The following MARCHF1 variants were observed in gnomAD, a reference collection of about 807,000 sequenced individuals.
MARCHF1 encodes the protein membrane associated ring-CH-type finger 1, also known as E3 ubiquitin-protein ligase MARCHF1.
In MARCHF1, 40 loss-of-function variants were observed where a neutral mutation model predicts 54.2. That is an observed-to-expected ratio of 0.74 (90% CI 0.57 to 0.96). The LOEUF (loss-of-function observed/expected upper bound fraction) is 0.96. Among genes scored for constraint, MARCHF1 ranks in the 40% least tolerant of loss-of-function variants. MARCHF1 has a pLI of 0.00. For missense variants in MARCHF1, 586 were observed against 656.5 expected, an observed-to-expected ratio of 0.89 and a Z score of 1.17; for synonymous variants, 236 against 236.3, an observed-to-expected ratio of 1.00 and a Z score of 0.01.
chr4:164,154,092 T>C (rs910372348), intron 1 of MARCHF1, among the ~76,000 whole-genome samples: 2 of 152,214 alleles, frequency 1.3e-5, no homozygotes, highest in African/African-American at 4.8e-5. Context: ...ACAAATATTC[T>C]TTCAAAAGAC....
chr4:163,915,898 A>G (rs989163604), intron 3 of MARCHF1, among the ~76,000 whole-genome samples: 1 of 152,058 alleles, frequency 6.6e-6, no homozygotes, highest in Non-Finnish European at 1.5e-5. Context: ...TTGATTTCCT[A>G]CTTGGCCAGT....
At chr4:164,348,357 A>C (rs200202534) in intron 1 of MARCHF1, among the ~76,000 whole-genome samples, 2 of 152,196 alleles carry the variant, frequency 1.3e-5, no homozygotes, top group East Asian at 3.8e-4. Flanking sequence ...GAGATACAAT[A>C]TTTATTTAAT....
At chr4:163,597,527 A>C (rs1740815528) in intron 7 of MARCHF1, among the ~76,000 whole-genome samples, 1 of 152,218 alleles carries the variant, frequency 6.6e-6, no homozygotes, top group Non-Finnish European at 1.5e-5. Flanking sequence ...AAAAGGTTAT[A>C]AGGAAACATG....
chr4:163,533,576 G>A (rs1738428400), intron 9 of MARCHF1, among the ~76,000 whole-genome samples: 1 of 151,592 alleles, frequency 6.6e-6, no homozygotes, highest in Non-Finnish European at 1.5e-5. Flanking sequence ...AATAACAGGA[G>A]AAACCTTGTG....
chr4:164,124,270 G>A (rs1424366768), intron 1 of MARCHF1, among the ~76,000 whole-genome samples: 1 of 151,986 alleles, frequency 6.6e-6, no homozygotes, highest in South Asian at 2.1e-4. Context: ...TTCAAAGACA[G>A]TCAATAACAA....
chr4:163,543,692 G>A (rs539637145), intron 9 of MARCHF1, among the ~76,000 whole-genome samples: 5 of 152,246 alleles, frequency 3.3e-5, no homozygotes, highest in African/African-American at 1.2e-4. Context: ...GTTCATTGTA[G>A]GGTAAATGAT....
At chr4:163,814,244 G>C (rs949966443) in intron 4 of MARCHF1, among the ~76,000 whole-genome samples, 2 of 151,992 alleles carry the variant, frequency 1.3e-5, no homozygotes, top group Non-Finnish European at 2.9e-5. Flanking sequence ...AAATAGTCTG[G>C]GCTTCTGGAG....
intron 3 of MARCHF1, among the ~76,000 whole-genome samples, chr4:163,859,462 C>A (rs751380694): frequency 2.0e-5 from 3 of 150,936 alleles, no homozygotes; most frequent in Non-Finnish European, 4.4e-5. Flanking sequence ...CAGGTTCAAG[C>A]GATTCTCCTG....
At chr4:164,165,297 G>T (rs1220017670) in intron 1 of MARCHF1, among the ~76,000 whole-genome samples, 1 of 151,980 alleles carries the variant, frequency 6.6e-6, no homozygotes, top group Non-Finnish European at 1.5e-5. Flanking sequence ...GGTCATGAGG[G>T]TGGGGTCCTA....
At chr4:164,343,444 A>G (rs1037877667) in intron 1 of MARCHF1, among the ~76,000 whole-genome samples, 8 of 152,200 alleles carry the variant, frequency 5.3e-5, no homozygotes, top group Non-Finnish European at 8.8e-5. Flanking sequence ...AGAATGGGAG[A>G]AAATATTTGC....
At chr4:164,378,690 A>C (rs1372192641) in intron 1 of MARCHF1, among the ~76,000 whole-genome samples, 5 of 152,212 alleles carry the variant, frequency 3.3e-5, no homozygotes, top group African/African-American at 4.8e-5. Context: ...GGGGATGTAT[A>C]GATCATCTGG....
At chr4:164,206,601 A>C (rs1186707935) in intron 1 of MARCHF1, among the ~76,000 whole-genome samples, 1 of 152,208 alleles carries the variant, frequency 6.6e-6, no homozygotes, top group Non-Finnish European at 1.5e-5. Flanking sequence ...GTGCTTTGTT[A>C]CATCAGACAT....
At chr4:164,065,807 G>T (rs1335649088) in intron 2 of MARCHF1, among the ~76,000 whole-genome samples, 1 of 152,184 alleles carries the variant, frequency 6.6e-6, no homozygotes, top group Admixed American at 6.5e-5. Context: ...GAGTTCAAAG[G>T]CCAAAGAACC....
chr4:163,711,167 G>C (rs1000364498), intron 4 of MARCHF1, among the ~76,000 whole-genome samples: 10 of 151,926 alleles, frequency 6.6e-5, no homozygotes, highest in African/African-American at 2.2e-4. Context: ...TCTTACTTAA[G>C]TTCACCCAAA....
intron 1 of MARCHF1, among the ~76,000 whole-genome samples, chr4:164,350,321 G>C (rs1277002771): frequency 1.3e-5 from 2 of 152,154 alleles, no homozygotes; most frequent in African/African-American, 2.4e-5. Context: ...TTCAAGTTCA[G>C]AGTAGAATTG....
At chr4:164,018,171 A>G (rs1247232785) in intron 2 of MARCHF1, among the ~76,000 whole-genome samples, 1 of 152,018 alleles carries the variant, frequency 6.6e-6, no homozygotes, top group Non-Finnish European at 1.5e-5. Context: ...TAGAGCAAAG[A>G]TCAAAATATA....
intron 8 of MARCHF1, among the ~76,000 whole-genome samples, chr4:163,566,620 G>T (rs1403940279): frequency 6.6e-6 from 1 of 152,176 alleles, no homozygotes; most frequent in East Asian, 1.9e-4. Flanking sequence ...ATAAAGGCCA[G>T]TGTTACTCAT....
intron 1 of MARCHF1, among the ~76,000 whole-genome samples, chr4:164,122,873 C>A (rs540753815): frequency 6.6e-6 from 1 of 151,990 alleles, no homozygotes; most frequent in Non-Finnish European, 1.5e-5. Flanking sequence ...ATCTGGAACA[C>A]GACAAGGATG....
chr4:164,136,385 T>A (rs1441125584), intron 1 of MARCHF1, among the ~76,000 whole-genome samples: 1 of 151,554 alleles, frequency 6.6e-6, no homozygotes, highest in Non-Finnish European at 1.5e-5. Context: ...CCAACAGATA[T>A]CCCTTGGACT....
Sources: allele counts gnomAD v4.1 joint callset (sites outside exome capture counted in the v4.1 genomes callset), GRCh38; gene constraint gnomAD v4.1.1; transcripts MANE v1.5; gene names NCBI Gene and HGNC (gene_info 2026-07-23, HGNC 2026-07-21).